Variants in DCT observed in about 807,000 individuals in gnomAD.
DCT encodes the protein L-dopachrome tautomerase.
In DCT, 47 loss-of-function variants were observed where a neutral mutation model predicts 53.0. That is an observed-to-expected ratio of 0.89 (90% CI 0.70 to 1.13). The LOEUF (loss-of-function observed/expected upper bound fraction) is 1.13, where lower values mean the gene tolerates loss of function less well. Ranked by LOEUF, DCT falls within the 50% of genes most tolerant of loss-of-function variation. The probability of loss-of-function intolerance (pLI) is 0.00; values close to 1 mark genes in which losing one functional copy is unlikely to be tolerated. For synonymous variants in DCT, 244 were observed against 237.0 expected, an observed-to-expected ratio of 1.03 and a Z score of -0.27; for missense variants, 669 against 637.4, an observed-to-expected ratio of 1.05 and a Z score of -0.53.
intron 4 of DCT, among the ~76,000 whole-genome samples, chr13:94,464,677 T>G (rs1884047615): frequency 6.6e-6 from 1 of 151,508 alleles, no homozygotes; most frequent in South Asian, 2.1e-4. Context: ...ACAAAACAAA[T>G]TTTGGAGGAA....
upstream of DCT, among the ~76,000 whole-genome samples, chr13:94,484,672 G>GGGCACA (rs1225997316): frequency 2.6e-5 from 4 of 152,172 alleles, no homozygotes; most frequent in Non-Finnish European, 5.9e-5. Context: ...CCATGCCATG[G>GGGCACA]TCTTTCCTCT....
At chr13:94,525,607 A>G in the DCT span, among the ~76,000 whole-genome samples, 1 of 152,244 alleles carries the variant, frequency 6.6e-6, no homozygotes, top group South Asian at 2.1e-4. Flanking sequence ...CTTTTGCAGG[A>G]GGTTGTGCCT....
At position 94,478,996 on chromosome 13, in the gene DCT, G is replaced by T. The variant is rs777291106; in HGVS notation, c.260C>A (p.Pro87Gln). The T allele has an allele frequency of 1.5e-5, 24 of 1,612,852 alleles. No homozygotes were observed. The highest frequency in any genetic ancestry group is 2.0e-5 in the Non-Finnish European group (24 of 1,179,024). ...GCAGGTCCGGTGGAAGAATTTTCTT[G>T]GCCACAGCTCACGGTCATCCTGGTT... ...LRNQDDRELW[P>Q]RKFFHRTCKC... is the part of the protein sequence containing the mutation. The change falls in exon 1 of 8, where the codon CCA becomes CAA. Residue 87 changes from proline to glutamine, a missense_variant. Coordinates refer to ENST00000377028, the MANE Select transcript of DCT (RefSeq NM_001922.5).
At chr13:94,488,723 T>TACACACACACAC in the DCT span, among the ~76,000 whole-genome samples, 1 of 139,132 alleles carries the variant, frequency 7.2e-6, no homozygotes, top group African/African-American at 2.7e-5. Flanking sequence ...GTCTAATATA[T>TACACACACACAC]ACACACACAC....
At chr13:94,503,215 C>CT in the DCT span, among the ~76,000 whole-genome samples, 4 of 152,080 alleles carry the variant, frequency 2.6e-5, no homozygotes, top group African/African-American at 9.6e-5. Flanking sequence ...CCCATCTCTA[C>CT]TAAAAATACA....
At chr13:94,440,847 A>C (rs1026881452) in intron 7 of DCT, among the ~76,000 whole-genome samples, 13 of 151,468 alleles carry the variant, frequency 8.6e-5, no homozygotes, top group African/African-American at 2.9e-4. Context: ...TGCTCAGATA[A>C]ATTTTGTATT....
At chr13:94,472,537 TATATATATATATATATATATATA>T (rs1884737661) in intron 1 of DCT, among the ~76,000 whole-genome samples, 1 of 25,892 alleles carries the variant, frequency 3.9e-5, no homozygotes, top group African/African-American at 2.0e-4. Flanking sequence ...TATATATATA[TATATATATATATATATATATATA>T]TATATATATT....
chr13:94,522,387 A>G, the DCT span, among the ~76,000 whole-genome samples: 6 of 151,986 alleles, frequency 3.9e-5, no homozygotes, highest in African/African-American at 2.4e-5. Context: ...TCAGACTCCA[A>G]GTTCTTCAGT....
the DCT span, among the ~76,000 whole-genome samples, chr13:94,525,579 G>A: frequency 6.6e-6 from 1 of 152,218 alleles, no homozygotes. Context: ...ATCACAGCGA[G>A]AGAGGGTGCT....
intron 6 of DCT, among the ~76,000 whole-genome samples, chr13:94,448,756 T>C (rs1388746575): frequency 6.6e-6 from 1 of 151,768 alleles, no homozygotes; most frequent in Admixed American, 6.6e-5. Context: ...TACAAAACAT[T>C]AGCTGGGTGT....
At chr13:94,539,930 G>GAT in the DCT span, among the ~76,000 whole-genome samples, 4,420 of 151,562 alleles carry the variant, frequency 0.029, 205 homozygotes, top group African/African-American at 0.1. Flanking sequence ...TTTTAAATGT[G>GAT]ATATATATAT....
chr13:94,442,307 G>GT (rs1160909499), intron 7 of DCT, among the ~76,000 whole-genome samples: 2 of 151,894 alleles, frequency 1.3e-5, no homozygotes, highest in East Asian at 1.9e-4. Flanking sequence ...TTTTGTTTTT[G>GT]TTTTTTTGGG....
At chr13:94,504,976 C>A in the DCT span, among the ~76,000 whole-genome samples, 1 of 151,940 alleles carries the variant, frequency 6.6e-6, no homozygotes, top group Non-Finnish European at 1.5e-5. Flanking sequence ...CACATCAGAA[C>A]GGAGACGGCA....
chr13:94,462,553 C>G (rs1883886150), intron 4 of DCT, among the ~76,000 whole-genome samples: 1 of 151,454 alleles, frequency 6.6e-6, no homozygotes, highest in South Asian at 2.1e-4. Flanking sequence ...AACTTATGTA[C>G]AGTATTATAA....
the DCT span, among the ~76,000 whole-genome samples, chr13:94,496,417 C>T: frequency 6.6e-6 from 1 of 152,108 alleles, no homozygotes; most frequent in Admixed American, 6.5e-5. Context: ...TGGTCTCCAA[C>T]TCCTGGCCTC....
At chr13:94,466,753 A>G (rs41275878) in intron 2 of DCT, 95 bp from the exon 3 acceptor site, 36,858 of 668,788 alleles carry the variant, frequency 0.055, 1,305 homozygotes, top group African/African-American at 0.12. Flanking sequence ...CAATAAGTCC[A>G]TGATGTTTTA....
chr13:94,513,785 G>A, the DCT span, among the ~76,000 whole-genome samples: 1 of 151,602 alleles, frequency 6.6e-6, no homozygotes, highest in African/African-American at 2.4e-5. Context: ...TCAGAAGTTC[G>A]AGACTAGCCT....
At chr13:94,517,769 C>T in the DCT span, among the ~76,000 whole-genome samples, 13 of 152,212 alleles carry the variant, frequency 8.5e-5, no homozygotes, top group African/African-American at 2.4e-4. Flanking sequence ...AGGCAAAGAT[C>T]GGAATGATGC....
intron 6 of DCT, among the ~76,000 whole-genome samples, chr13:94,451,535 C>A (rs1215997686): frequency 6.6e-6 from 1 of 152,200 alleles, no homozygotes. Flanking sequence ...TGACACATTT[C>A]TTAGCCTCTC....
Sources: gnomAD v4.1 joint callset for allele counts (sites outside exome capture counted in the v4.1 genomes callset) on GRCh38, gnomAD v4.1.1 for gene constraint, MANE v1.5 for transcripts, NCBI Gene and HGNC (gene_info 2026-07-23, HGNC 2026-07-21) for gene names.